The following ADAMTS17 variants were observed in gnomAD, a reference collection of about 807,000 sequenced individuals.
ADAMTS17 encodes the protein ADAM metallopeptidase with thrombospondin type 1 motif 17, also known as A disintegrin and metalloproteinase with thrombospondin motifs 17.
A neutral mutation model predicts 141.5 loss-of-function variants in ADAMTS17; 113 were observed. The observed-to-expected ratio is 0.80, with a 90% CI of 0.69 to 0.93. The LOEUF (loss-of-function observed/expected upper bound fraction) is 0.93, where lower values mean the gene tolerates loss of function less well. Ranked by LOEUF, ADAMTS17 falls within the 40% of genes least tolerant of loss-of-function variation. The pLI is 0.00. For missense variants in ADAMTS17, 1,659 were observed against 1,517.9 expected, an observed-to-expected ratio of 1.09 and a Z score of -1.54; for synonymous variants, 768 against 630.6, an observed-to-expected ratio of 1.22 and a Z score of -3.27.
At chr15:100,047,147 G>A (rs760035132) in intron 18 of ADAMTS17, among the ~76,000 whole-genome samples, 16 of 151,752 alleles carry the variant, frequency 1.1e-4, no homozygotes, top group Non-Finnish European at 1.8e-4. Flanking sequence ...CTCCCATAGC[G>A]CTCCCAGGCT....
chr15:100,278,956 A>G (rs1419531404), intron 4 of ADAMTS17, among the ~76,000 whole-genome samples: 1 of 152,138 alleles, frequency 6.6e-6, no homozygotes, highest in Non-Finnish European at 1.5e-5. Flanking sequence ...CCATCCCCAC[A>G]AGGGGAGAAT....
At chr15:100,157,558 C>A (rs1393519482) in intron 8 of ADAMTS17, among the ~76,000 whole-genome samples, 2 of 152,346 alleles carry the variant, frequency 1.3e-5, no homozygotes, top group East Asian at 3.9e-4. Flanking sequence ...ACCCTCCTGA[C>A]TGGAGGCCCA....
At chr15:100,073,559 T>G (rs1179094762) in intron 15 of ADAMTS17, among the ~76,000 whole-genome samples, 5 of 151,938 alleles carry the variant, frequency 3.3e-5, no homozygotes, top group Non-Finnish European at 4.4e-5. Context: ...GTGGCACATA[T>G]ACACCATGGA....
chr15:100,199,565 A>G (rs2041244049), intron 7 of ADAMTS17, 142 bp from the exon 8 acceptor site: 1 of 769,752 alleles, frequency 1.3e-6, no homozygotes. Flanking sequence ...CCCACCTGGG[A>G]AGGGTTTGTG....
At chr15:100,289,426 A>G (rs1416226871) in intron 3 of ADAMTS17, among the ~76,000 whole-genome samples, 1 of 152,200 alleles carries the variant, frequency 6.6e-6, no homozygotes, top group African/African-American at 2.4e-5. Context: ...AGCTGGTACC[A>G]TTCCTACTAA....
chr15:100,290,361 CACAA>C (rs1257271062), intron 3 of ADAMTS17, among the ~76,000 whole-genome samples: 2 of 152,118 alleles, frequency 1.3e-5, no homozygotes, highest in Non-Finnish European at 2.9e-5. Context: ...TCAGAGATGA[CACAA>C]ACAAATGGAA....
intron 9 of ADAMTS17, 118 bp downstream of exon 9, chr15:100,155,062 G>A (rs1208116869): frequency 6.7e-7 from 1 of 1,499,724 alleles, no homozygotes; most frequent in African/African-American, 1.4e-5. Flanking sequence ...CCTGAGGCTA[G>A]ATGCAAATCC....
At chr15:100,118,535 G>A (rs1260880648) in intron 12 of ADAMTS17, among the ~76,000 whole-genome samples, 1 of 152,228 alleles carries the variant, frequency 6.6e-6, no homozygotes, top group Non-Finnish European at 1.5e-5. Context: ...TATGGAATCT[G>A]AGAACAGAGG....
intron 2 of ADAMTS17, among the ~76,000 whole-genome samples, chr15:100,338,174 G>T (rs1432782198): frequency 1.3e-5 from 2 of 152,200 alleles, no homozygotes; most frequent in African/African-American, 2.4e-5. Context: ...ACCAAGAAAG[G>T]AATGCGGCAG....
At chr15:100,068,807 A>C (rs1005211866) in intron 15 of ADAMTS17, among the ~76,000 whole-genome samples, 4 of 152,238 alleles carry the variant, frequency 2.6e-5, no homozygotes, top group African/African-American at 4.8e-5. Context: ...GGGGAAAAAC[A>C]GAGCAGAAAA....
intron 8 of ADAMTS17, among the ~76,000 whole-genome samples, chr15:100,184,248 TGGG>T (rs1002334151): frequency 5.9e-5 from 9 of 152,098 alleles, no homozygotes; most frequent in Admixed American, 1.3e-4. Flanking sequence ...AGACTGTTCT[TGGG>T]TTTTATGTCT....
chr15:100,150,536 C>T (rs1374409725), intron 10 of ADAMTS17, among the ~76,000 whole-genome samples: 1 of 152,152 alleles, frequency 6.6e-6, no homozygotes, highest in Non-Finnish European at 1.5e-5. Flanking sequence ...AGGACAAAGT[C>T]CAGCCTGGGA....
In ADAMTS17 at chr15:100,253,247, G is replaced by A. The variant is rs111944790; in HGVS notation, c.1075+889C>T. ...ATTGTGCCTGTATTAACCAAACACT[G>A]TGTGCAAAGAATGGTTTCCATTTGA... On this transcript the variant is annotated intron_variant, in intron 7 of 21. Coordinates refer to ENST00000268070, the MANE Select transcript of ADAMTS17 (RefSeq NM_139057.4). Among the ~76,000 whole-genome samples the A allele has an allele frequency of 6.2e-3, 921 of 148,742 alleles. 10 individuals carry two copies. Among genetic ancestry groups the A allele is most frequent in the Middle Eastern group, 0.021 (6 of 292 alleles).
At chr15:100,098,535 C>T (rs555792765) in intron 14 of ADAMTS17, among the ~76,000 whole-genome samples, 1 of 152,006 alleles carries the variant, frequency 6.6e-6, no homozygotes, top group Admixed American at 6.5e-5. Flanking sequence ...TGGTGACACG[C>T]ACCTGTAGTC....
intron 15 of ADAMTS17, among the ~76,000 whole-genome samples, chr15:100,061,572 G>C (rs1167215680): frequency 2.6e-5 from 4 of 152,204 alleles, no homozygotes; most frequent in Non-Finnish European, 5.9e-5. Context: ...TGTGCCACAG[G>C]AATGGGAAGT....
intron 8 of ADAMTS17, among the ~76,000 whole-genome samples, chr15:100,181,851 A>C (rs1249602750): frequency 2.0e-5 from 3 of 152,202 alleles, no homozygotes; most frequent in Non-Finnish European, 4.4e-5. Flanking sequence ...CATGCCCCCC[A>C]AGTCCACTGG....
intron 7 of ADAMTS17, among the ~76,000 whole-genome samples, chr15:100,249,135 C>G (rs773764390): frequency 6.6e-6 from 1 of 152,150 alleles, no homozygotes; most frequent in Non-Finnish European, 1.5e-5. Context: ...CATTCATCTG[C>G]TCACTCAAAT....
Position 100,341,930 on chromosome 15 carries a change from G to A in ADAMTS17, c.-31C>T. The A allele has an allele frequency of 6.5e-7, 1 of 1,548,372 alleles. No individual in the cohort carries two copies. The highest frequency in any genetic ancestry group is 8.7e-7 in the Non-Finnish European group (1 of 1,146,144). On this transcript the variant is annotated 5_prime_UTR_variant, in exon 1 of 22. It adds an upstream start codon to the 5' untranslated region. Transcript: ENST00000268070. ...CCGGGACCGGCAGCCCCCCCGGACC[G>A]TGGCGGCGAAGCAGGAGCGCGCTAG...
intron 7 of ADAMTS17, among the ~76,000 whole-genome samples, chr15:100,242,530 T>C (rs2042858495): frequency 6.6e-6 from 1 of 152,190 alleles, no homozygotes; most frequent in African/African-American, 2.4e-5. Context: ...GTGACACTTC[T>C]TAACATGCCC....
Sources: allele counts gnomAD v4.1 joint callset (sites outside exome capture counted in the v4.1 genomes callset), GRCh38; gene constraint gnomAD v4.1.1; transcripts MANE v1.5; gene names NCBI Gene and HGNC (gene_info 2026-07-23, HGNC 2026-07-21).